ENOX1: variants seen among roughly 807,000 people sequenced by gnomAD.
ENOX1 encodes ecto-NOX disulfide-thiol exchanger 1.
Under a neutral mutation model 82.5 loss-of-function variants are expected in ENOX1, and 42 were observed. That is an observed-to-expected ratio of 0.51 (90% CI 0.40 to 0.66). The LOEUF is 0.66. Ranked by LOEUF, ENOX1 falls within the 30% of genes least tolerant of loss-of-function variation. The pLI is 0.00. For missense variants in ENOX1, 608 were observed against 811.6 expected (o/e 0.75, Z 3.05); for synonymous variants, 271 against 282.2 (o/e 0.96, Z 0.40).
At chr13:43,636,908 A>G (rs1329295) in intron 2 of ENOX1, among the ~76,000 whole-genome samples, 151,076 of 152,292 alleles carry the variant, frequency 0.99, 74,946 homozygotes, top group Middle Eastern at 1. Flanking sequence ...ATAGTGCACT[A>G]GGGAAAACAG....
In ENOX1 at chr13:43,470,375, T is replaced by TAC. The variant is rs1281560925; in HGVS notation, c.-75+13632_-75+13633dup. On this transcript the variant is annotated intron_variant, in intron 3 of 16. Transcript: ENST00000690772. ...ATATGTATATATATACGTATATATA[T>TAC]ACATATATATACGTATATATATGTG... 4.7e-5 allele frequency among the ~76,000 whole-genome samples: 4 copies of TAC among 85,670 alleles called. 1 individual carries two copies. The highest frequency in any genetic ancestry group is 7.2e-5 in the Non-Finnish European group (3 of 41,796). 56.2% of individuals were successfully genotyped at this position (85,670 alleles called of 152,430 possible). A position where few individuals can be genotyped will look rare whatever the true frequency, so the allele number is the denominator to read the frequency against.
At chr13:43,218,837 T>C (rs2041630265) in intron 16 of ENOX1, among the ~76,000 whole-genome samples, 1 of 152,200 alleles carries the variant, frequency 6.6e-6, no homozygotes, top group African/African-American at 2.4e-5. Context: ...AAAATTCAAT[T>C]TGTCCTTTGT....
intron 8 of ENOX1, among the ~76,000 whole-genome samples, chr13:43,348,688 G>T (rs2049557462): frequency 6.6e-6 from 1 of 152,182 alleles, no homozygotes; most frequent in Non-Finnish European, 1.5e-5. Context: ...GAATCACTTG[G>T]TAGCCACCTG....
chr13:43,536,998 C>T (rs1212322794), intron 2 of ENOX1, among the ~76,000 whole-genome samples: 1 of 152,108 alleles, frequency 6.6e-6, no homozygotes, highest in Non-Finnish European at 1.5e-5. Context: ...GGACAAGACA[C>T]AATGATGTCA....
intron 2 of ENOX1, among the ~76,000 whole-genome samples, chr13:43,656,573 T>C (rs528731435): frequency 3.3e-5 from 5 of 152,158 alleles, no homozygotes; most frequent in South Asian, 4.2e-4. Flanking sequence ...AAAGGGAAAA[T>C]GAAGCACAGA....
In ENOX1 at chr13:43,371,000, C is replaced by G. The variant is rs182083727; in HGVS notation, c.209-9548G>C. Among the ~76,000 whole-genome samples the G allele has an allele frequency of 1.5e-4, 23 of 152,170 alleles. No homozygotes were observed. In the East Asian group the frequency reaches 4.3e-3, roughly 28 times the overall value. On this transcript the variant is annotated intron_variant, in intron 5 of 16. Coordinates refer to ENST00000690772, the MANE Select transcript of ENOX1 (RefSeq NM_001347969.2). ...TCAGCCAGCGATGCACACGGGGGAA[C>G]CATGAGAACAGGCCCTAATTGGGGC...
At chr13:43,391,183 A>G (rs2052752725) in intron 5 of ENOX1, among the ~76,000 whole-genome samples, 1 of 152,082 alleles carries the variant, frequency 6.6e-6, no homozygotes, top group African/African-American at 2.4e-5. Context: ...ACTTGGCTGA[A>G]TATGTGACTT....
At chr13:43,222,528 C>T (rs1302858575) in intron 16 of ENOX1, among the ~76,000 whole-genome samples, 1 of 152,138 alleles carries the variant, frequency 6.6e-6, no homozygotes, top group African/African-American at 2.4e-5. Flanking sequence ...ATTTTAGCTC[C>T]TACTAAAACA....
intron 1 of ENOX1, among the ~76,000 whole-genome samples, chr13:43,694,119 T>C (rs2086513278): frequency 6.6e-6 from 1 of 152,156 alleles, no homozygotes; most frequent in Non-Finnish European, 1.5e-5. Context: ...AATAGAGCTG[T>C]TAATGTCAAG....
intron 1 of ENOX1, among the ~76,000 whole-genome samples, chr13:43,709,906 GC>G (rs1243786161): frequency 1.3e-5 from 2 of 151,938 alleles, no homozygotes; most frequent in African/African-American, 4.8e-5. Flanking sequence ...AAAATATTAG[GC>G]CCAGATCATT....
At chr13:43,730,767 T>C (rs2089293229) in intron 1 of ENOX1, among the ~76,000 whole-genome samples, 1 of 152,170 alleles carries the variant, frequency 6.6e-6, no homozygotes, top group Non-Finnish European at 1.5e-5. Flanking sequence ...AGGAACTACT[T>C]GCAGCTCCCT....
chr13:43,499,950 A>T (rs1228860428), intron 2 of ENOX1, among the ~76,000 whole-genome samples: 1 of 152,032 alleles, frequency 6.6e-6, no homozygotes, highest in Non-Finnish European at 1.5e-5. Context: ...GAACTAAAAA[A>T]TTAAACGGTT....
In ENOX1 at chr13:43,777,677, G is replaced by A. The variant is rs141913573; in HGVS notation, c.-285+8975C>T. On this transcript the variant is annotated intron_variant, in intron 1 of 16. Transcript: ENST00000690772. Reference sequence around the variant, plus strand: ...CTTGCCTCAGCCCCCCAGGTAGCTGGGATTACAGGCGCCCACCACTATGCC... The same window carrying A: ...CTTGCCTCAGCCCCCCAGGTAGCTGAGATTACAGGCGCCCACCACTATGCC... Among the ~76,000 whole-genome samples the A allele has an allele frequency of 8.2e-4, 125 of 151,708 alleles. 1 individual carries two copies. The highest frequency in any genetic ancestry group is 2.7e-3 in the African/African-American group (112 of 41,404).
intron 5 of ENOX1, among the ~76,000 whole-genome samples, chr13:43,380,147 A>T (rs1312409712): frequency 6.6e-6 from 1 of 151,718 alleles, no homozygotes; most frequent in Non-Finnish European, 1.5e-5. Context: ...GCAGATCTAT[A>T]CTATAAGAAA....
chr13:43,648,327 A>G (rs1036810497), intron 2 of ENOX1, among the ~76,000 whole-genome samples: 22 of 152,202 alleles, frequency 1.4e-4, no homozygotes, highest in African/African-American at 5.1e-4. Flanking sequence ...ACAGAAAACA[A>G]CAGTGAACCA....
chr13:43,369,817 G>A (rs1393973105), intron 5 of ENOX1, among the ~76,000 whole-genome samples: 1 of 151,274 alleles, frequency 6.6e-6, no homozygotes, highest in East Asian at 1.9e-4. Flanking sequence ...GCCACAGAGG[G>A]CAAGGAGATC....
At chr13:43,586,945 G>A (rs4942241) in intron 2 of ENOX1, among the ~76,000 whole-genome samples, 7,624 of 151,676 alleles carry the variant, frequency 0.05, 641 homozygotes, top group East Asian at 0.33. Flanking sequence ...GTGGTGGCAC[G>A]TGCCTGTAAT....
At chr13:43,548,080 G>A (rs1196466174) in intron 2 of ENOX1, 1 of 152,174 alleles carries the variant, frequency 6.6e-6, no homozygotes, top group African/African-American at 2.4e-5. Context: ...CTTCTTTTGA[G>A]TGTTAGTGAT....
intron 1 of ENOX1, among the ~76,000 whole-genome samples, chr13:43,704,952 A>G (rs2087156483): frequency 6.6e-6 from 1 of 152,196 alleles, no homozygotes; most frequent in South Asian, 2.1e-4. Flanking sequence ...TATTTTCCTT[A>G]CAACTAAAGG....
Sources: allele counts gnomAD v4.1 joint callset (sites outside exome capture counted in the v4.1 genomes callset), GRCh38; gene constraint gnomAD v4.1.1; transcripts MANE v1.5; gene names NCBI Gene and HGNC (gene_info 2026-07-23, HGNC 2026-07-21).